Variants in ABCB4 observed in about 807,000 individuals in gnomAD.
ABCB4 encodes ATP binding cassette subfamily B member 4.
ABCB4 carries 76 observed loss-of-function variants against 145.7 expected under a neutral mutation model. That is an observed-to-expected ratio of 0.52 (90% confidence interval 0.43 to 0.63). The LOEUF is 0.63. Ranked by LOEUF, ABCB4 falls within the 30% of genes least tolerant of loss-of-function variation. The pLI is 0.00. For missense variants in ABCB4, 1,234 were observed against 1,553.1 expected, an observed-to-expected ratio of 0.79 and a Z score of 3.45; for synonymous variants, 517 against 566.8, an observed-to-expected ratio of 0.91 and a Z score of 1.25.
intron 17 of ABCB4, among the ~76,000 whole-genome samples, chr7:87,422,465 C>T (rs1175157294): frequency 6.6e-6 from 1 of 152,152 alleles, no homozygotes; most frequent in Non-Finnish European, 1.5e-5. Context: ...TATCCATCTA[C>T]AGAACTTTTC....
chr7:87,398,259 A>T, downstream of ABCB4: 1 of 614,836 alleles, frequency 1.6e-6, no homozygotes, highest in Non-Finnish European at 3.0e-6. Context: ...TAAACGCAGT[A>T]AGACCTAGCT....
At chr7:87,423,153 C>T (rs1312802464) in intron 17 of ABCB4, among the ~76,000 whole-genome samples, 1 of 152,158 alleles carries the variant, frequency 6.6e-6, no homozygotes, top group African/African-American at 2.4e-5. Flanking sequence ...TTATCCTCAA[C>T]AACAAAGTCT....
intron 26 of ABCB4, among the ~76,000 whole-genome samples, chr7:87,405,767 C>T (rs982574682): frequency 1.3e-5 from 2 of 152,148 alleles, no homozygotes; most frequent in Non-Finnish European, 2.9e-5. Flanking sequence ...ATCTGCAATA[C>T]AGCTGCACAG....
the ABCB4 span, among the ~76,000 whole-genome samples, chr7:87,395,064 A>G: frequency 6.6e-6 from 1 of 152,302 alleles, no homozygotes; most frequent in African/African-American, 2.4e-5. Flanking sequence ...CAGGGACAGA[A>G]CTAATAGGAT....
chr7:87,450,649 T>C (rs1811657346), intron 7 of ABCB4, among the ~76,000 whole-genome samples: 1 of 152,048 alleles, frequency 6.6e-6, no homozygotes, highest in Admixed American at 6.6e-5. Flanking sequence ...TATTTGTATT[T>C]TTAGTAGAGA....
At chr7:87,379,774 T>C in the ABCB4 span, among the ~76,000 whole-genome samples, 1 of 152,152 alleles carries the variant, frequency 6.6e-6, no homozygotes, top group Non-Finnish European at 1.5e-5. Context: ...CCTAAGATGA[T>C]TATAGAGGGT....
At chr7:87,432,876 C>G (rs557173123) in intron 14 of ABCB4, among the ~76,000 whole-genome samples, 22 of 151,980 alleles carry the variant, frequency 1.4e-4, no homozygotes, top group African/African-American at 5.3e-4. Flanking sequence ...GTTTGTATCT[C>G]AATTTTTTAA....
chr7:87,452,805 C>T (rs1416520275), intron 6 of ABCB4, 139 bp downstream of exon 6: 4 of 991,558 alleles, frequency 4.0e-6, no homozygotes, highest in Non-Finnish European at 6.1e-6. Context: ...TGCTGCTAGA[C>T]ATGGCTGCCA....
In ABCB4 at chr7:87,406,407, C is replaced by T. The variant is rs866301089; in HGVS notation, c.3367G>A (p.Asp1123Asn). 1.9e-5 allele frequency: 31 copies of T among 1,614,028 alleles called. 2 individuals are homozygous for T. The Middle Eastern group carries it at 4.8e-3, about 249-fold the overall frequency. ...GCAATATTCTCGGCAATGCTGCAGT[C>T]AAATAGGATAGGCTCCTGAGACACG... ...GIVSQEPILF[D>N]CSIAENIAYG... Residue 1123 changes from aspartate to asparagine, a missense_variant, in exon 26 of 28, where the codon GAC becomes AAC. Around this residue, in one of 7 missense-constraint regions of ABCB4, gnomAD observed 301 missense variants for 389.0 expected, o/e 0.77. Transcript: ENST00000649586.
the ABCB4 span, among the ~76,000 whole-genome samples, chr7:87,396,118 G>A: frequency 3.3e-5 from 5 of 152,294 alleles, no homozygotes; most frequent in African/African-American, 1.2e-4. Flanking sequence ...AAAAAGTGGA[G>A]GGTGAAGGAT....
At chr7:87,429,736 T>C (rs1186348108) in intron 15 of ABCB4, among the ~76,000 whole-genome samples, 1 of 152,148 alleles carries the variant, frequency 6.6e-6, no homozygotes, top group Non-Finnish European at 1.5e-5. Flanking sequence ...GGCCATATGG[T>C]AGCATTCGGC....
At chr7:87,456,725 GA>G (rs1290657277) in intron 4 of ABCB4, among the ~76,000 whole-genome samples, 4 of 152,202 alleles carry the variant, frequency 2.6e-5, no homozygotes, top group Non-Finnish European at 4.4e-5. Flanking sequence ...TCCCTCCTAG[GA>G]AAGAATCTAT....
chr7:87,394,165 G>T, the ABCB4 span, among the ~76,000 whole-genome samples: 1 of 152,110 alleles, frequency 6.6e-6, no homozygotes, highest in Non-Finnish European at 1.5e-5. Flanking sequence ...ATTAACTGTG[G>T]TACACACTGT....
At chr7:87,435,178 T>C (rs779729747) in intron 14 of ABCB4, among the ~76,000 whole-genome samples, 1 of 152,220 alleles carries the variant, frequency 6.6e-6, no homozygotes, top group Non-Finnish European at 1.5e-5. Flanking sequence ...ACTGATTGAT[T>C]GGTATCTTCT....
intron 23 of ABCB4, among the ~76,000 whole-genome samples, chr7:87,410,600 A>G (rs1296888794): frequency 6.6e-6 from 1 of 152,182 alleles, no homozygotes; most frequent in Non-Finnish European, 1.5e-5. Flanking sequence ...AATATTTTTT[A>G]TACAATAAAT....
At chr7:87,390,500 A>C in the ABCB4 span, among the ~76,000 whole-genome samples, 1 of 152,180 alleles carries the variant, frequency 6.6e-6, no homozygotes, top group African/African-American at 2.4e-5. Flanking sequence ...CTTTGAAGGG[A>C]TACCATTTCA....
chr7:87,440,073 G>A, intron 13 of ABCB4, 126 bp downstream of exon 13: 5 of 1,200,790 alleles, frequency 4.2e-6, no homozygotes, highest in Non-Finnish European at 6.0e-6. Context: ...TCATTCAGGG[G>A]ACTTATCTAG....
chr7:87,377,215 C>T, the ABCB4 span: 14 of 553,200 alleles, frequency 2.5e-5, no homozygotes, highest in Non-Finnish European at 4.1e-5. Flanking sequence ...TGTTGCTGAT[C>T]ATAACTATAT....
At chr7:87,462,934 T>G (rs1290365860) in intron 3 of ABCB4, 26 bp from the exon 4 acceptor site, 1 of 1,601,914 alleles carries the variant, frequency 6.2e-7, no homozygotes, top group South Asian at 1.1e-5. Flanking sequence ...AAAATAATAC[T>G]TAGCTGTGGA....
Sources: gnomAD v4.1 joint callset for allele counts (sites outside exome capture counted in the v4.1 genomes callset) on GRCh38, gnomAD v4.1.1 for gene constraint, gnomAD v4.1.1 regional missense constraint, MANE v1.5 for transcripts, NCBI Gene and HGNC (gene_info 2026-07-23, HGNC 2026-07-21) for gene names.